The following ATRNL1 variants were observed in gnomAD, a reference collection of about 807,000 sequenced individuals.
ATRNL1 encodes attractin-like protein 1.
In ATRNL1, 95 loss-of-function variants were observed where a neutral mutation model predicts 182.7. That is an observed-to-expected ratio of 0.52 (90% CI 0.44 to 0.62). The LOEUF is 0.62. Ranked by LOEUF, ATRNL1 falls within the 20% of genes least tolerant of loss-of-function variation. ATRNL1 has a pLI of 0.00. For synonymous variants in ATRNL1, 576 were observed against 568.3 expected (o/e 1.01, Z -0.19); for missense variants, 1,471 against 1,679.5 (o/e 0.88, Z 2.17).
chr10:115,234,500 AT>A (rs1189200259), intron 9 of ATRNL1, among the ~76,000 whole-genome samples: 1 of 152,022 alleles, frequency 6.6e-6, no homozygotes, highest in Non-Finnish European at 1.5e-5. Context: ...TGGATAGAAT[AT>A]TATAATCTAA....
At chr10:115,372,771 A>G (rs1374774631) in intron 19 of ATRNL1, among the ~76,000 whole-genome samples, 1 of 151,940 alleles carries the variant, frequency 6.6e-6, no homozygotes, top group African/African-American at 2.4e-5. Context: ...TCTGATTACT[A>G]TGGCTTTGTA....
At chr10:115,098,449 GTTTCTTTTTTTTTTTT>G (rs2085071077) in intron 1 of ATRNL1, among the ~76,000 whole-genome samples, 1 of 110,782 alleles carries the variant, frequency 9.0e-6, no homozygotes, top group South Asian at 2.9e-4. Flanking sequence ...TTAAATACTA[GTTTCTTTTTTTTTTTT>G]TTTTTTTTTT....
At chr10:115,873,045 G>A (rs905400088) in intron 28 of ATRNL1, among the ~76,000 whole-genome samples, 4 of 152,208 alleles carry the variant, frequency 2.6e-5, no homozygotes, top group Non-Finnish European at 5.9e-5. Flanking sequence ...AGTAAGGTAA[G>A]TACCCTGAAA....
chr10:115,276,901 T>C (rs1353270964), intron 13 of ATRNL1, among the ~76,000 whole-genome samples: 1 of 152,144 alleles, frequency 6.6e-6, no homozygotes, highest in African/African-American at 2.4e-5. Flanking sequence ...ACTATATTTT[T>C]CTTAATGAAG....
At chr10:115,891,213 G>A (rs1952072280) in intron 28 of ATRNL1, among the ~76,000 whole-genome samples, 1 of 152,182 alleles carries the variant, frequency 6.6e-6, no homozygotes, top group African/African-American at 2.4e-5. Flanking sequence ...AGCTTGGGCA[G>A]CCATGGAAGA....
chr10:115,389,492 C>T (rs1325064865), intron 19 of ATRNL1, among the ~76,000 whole-genome samples: 3 of 77,026 alleles, frequency 3.9e-5, no homozygotes, highest in African/African-American at 1.5e-4. Context: ...CAGCCCGAGA[C>T]TCCGTCTCAA....
At chr10:115,462,324 T>C (rs768608187) in intron 22 of ATRNL1, among the ~76,000 whole-genome samples, 1 of 152,068 alleles carries the variant, frequency 6.6e-6, no homozygotes, top group Non-Finnish European at 1.5e-5. Flanking sequence ...TATTTAAAAA[T>C]AAAACTCGTT....
chr10:115,702,152 G>T (rs1238429400), intron 26 of ATRNL1, among the ~76,000 whole-genome samples: 5 of 151,836 alleles, frequency 3.3e-5, no homozygotes, highest in African/African-American at 1.2e-4. Context: ...CACATAAACA[G>T]AATGAAAAAC....
intron 27 of ATRNL1, among the ~76,000 whole-genome samples, chr10:115,729,495 T>TTGTG (rs139166434): frequency 0.037 from 5,217 of 142,082 alleles, 289 homozygotes; most frequent in African/African-American, 0.12. Context: ...CTACCCCATT[T>TTGTG]TGTGTGTGTG....
chr10:115,898,970 T>A (rs556998032), intron 28 of ATRNL1, among the ~76,000 whole-genome samples: 20 of 152,112 alleles, frequency 1.3e-4, no homozygotes, highest in South Asian at 4.2e-4. Context: ...CTTTTTTTTT[T>A]ATTATACTTT....
rs1007216396 is a variant in ATRNL1, at chr10:115,947,114, A to C, written c.*2335A>C. The C allele has an allele frequency of 5.2e-5, 8 of 152,670 alleles. No homozygotes were observed. Among genetic ancestry groups the C allele is most frequent in the African/African-American group, 7.2e-5 (3 of 41,472 alleles). The allele number at this position is 152,670 out of a possible 1,614,324, so 9.5% of individuals were successfully genotyped here. A position where few individuals can be genotyped will look rare whatever the true frequency, so the allele number is the denominator to read the frequency against. ...GTGGCTAATTATGCAATTAATTCTC[A>C]ACGTATCAAAGCTTTTCACTGGCAG... On this transcript the variant is annotated 3_prime_UTR_variant, in exon 29 of 29. Coordinates refer to ENST00000355044, the MANE Select transcript of ATRNL1 (RefSeq NM_207303.4).
chr10:115,871,957 G>T (rs1951596139), intron 28 of ATRNL1, among the ~76,000 whole-genome samples: 1 of 151,994 alleles, frequency 6.6e-6, no homozygotes, highest in Middle Eastern at 3.2e-3. Flanking sequence ...TTTTTCTCTT[G>T]CTACTTGTTT....
chr10:115,791,991 T>C (rs1256331392), intron 27 of ATRNL1, among the ~76,000 whole-genome samples: 4 of 152,186 alleles, frequency 2.6e-5, no homozygotes, highest in Non-Finnish European at 5.9e-5. Context: ...TGTTCTCTGG[T>C]ACAATCCTCA....
chr10:115,206,238 G>T (rs1848791274), intron 8 of ATRNL1, among the ~76,000 whole-genome samples: 1 of 151,982 alleles, frequency 6.6e-6, no homozygotes, highest in Non-Finnish European at 1.5e-5. Context: ...CTTTCAAGAT[G>T]ATTTCTTCAT....
intron 26 of ATRNL1, among the ~76,000 whole-genome samples, chr10:115,621,569 T>C (rs1826482040): frequency 6.6e-6 from 1 of 151,748 alleles, no homozygotes; most frequent in Admixed American, 6.6e-5. Flanking sequence ...CCCATAGTGC[T>C]GGGGTTAAAT....
At chr10:115,675,800 A>G (rs1315694011) in intron 26 of ATRNL1, among the ~76,000 whole-genome samples, 2 of 152,094 alleles carry the variant, frequency 1.3e-5, no homozygotes, top group Non-Finnish European at 2.9e-5. Flanking sequence ...CATATATTCA[A>G]TTTAATTCTT....
chr10:115,171,362 T>C (rs1564795133), intron 8 of ATRNL1, 70 bp downstream of exon 8: 1 of 1,366,484 alleles, frequency 7.3e-7, no homozygotes, highest in Non-Finnish European at 1.0e-6. Flanking sequence ...AATCTTCATA[T>C]GAATTTAGTC....
At chr10:115,290,500 TAA>T (rs1396127923) in intron 15 of ATRNL1, among the ~76,000 whole-genome samples, 1 of 151,870 alleles carries the variant, frequency 6.6e-6, no homozygotes, top group African/African-American at 2.4e-5. Flanking sequence ...ACTAAAAATA[TAA>T]AAAATTAGCT....
At chr10:115,260,602 A>G (rs1554908540) in intron 10 of ATRNL1, among the ~76,000 whole-genome samples, 1 of 152,202 alleles carries the variant, frequency 6.6e-6, no homozygotes, top group Non-Finnish European at 1.5e-5. Flanking sequence ...ATGTCAAACG[A>G]GTAGGAAAAA....
Sources: allele counts gnomAD v4.1 joint callset (sites outside exome capture counted in the v4.1 genomes callset), GRCh38; gene constraint gnomAD v4.1.1; transcripts MANE v1.5; gene names NCBI Gene and HGNC (gene_info 2026-07-23, HGNC 2026-07-21).